Variants in MYO3B observed in about 807,000 individuals in gnomAD.
MYO3B encodes the protein myosin-IIIb.
Under a neutral mutation model 174.6 loss-of-function variants are expected in MYO3B, and 156 were observed. The ratio of observed to expected loss-of-function variants is 0.89; its 90% confidence interval spans 0.78 to 1.02. The LOEUF (loss-of-function observed/expected upper bound fraction) is 1.02. Ranked by LOEUF, MYO3B falls within the 50% of genes least tolerant of loss-of-function variation. The pLI is 0.00. For synonymous variants in MYO3B, 563 were observed against 569.1 expected (o/e 0.99, Z 0.15); for missense variants, 1,632 against 1,639.4 (o/e 1.00, Z 0.08).
intron 24 of MYO3B, 137 bp downstream of exon 24, chr2:170,463,582 G>A: frequency 1.4e-6 from 1 of 726,020 alleles, no homozygotes. Context: ...GGAAGTGGTG[G>A]AAGCAAGGAA....
chr2:170,540,340 A>G (rs1690007506), intron 30 of MYO3B, among the ~76,000 whole-genome samples: 1 of 151,952 alleles, frequency 6.6e-6, no homozygotes, highest in African/African-American at 2.4e-5. Flanking sequence ...AAAAGAACCA[A>G]TCCACATGGC....
intron 22 of MYO3B, among the ~76,000 whole-genome samples, chr2:170,425,848 G>C (rs1375463778): frequency 1.3e-5 from 2 of 152,204 alleles, no homozygotes; most frequent in African/African-American, 4.8e-5. Context: ...CCTTGAGCAA[G>C]AGTCTTGAAT....
At chr2:170,182,457 G>T (rs929232661) in intron 1 of MYO3B, among the ~76,000 whole-genome samples, 2 of 151,872 alleles carry the variant, frequency 1.3e-5, no homozygotes, top group South Asian at 2.1e-4. Context: ...GTCTACTTTT[G>T]GTTTCTAGTC....
intron 18 of MYO3B, 55 bp from the exon 19 acceptor site, chr2:170,402,793 C>T: frequency 2.0e-6 from 3 of 1,511,302 alleles, no homozygotes; most frequent in Non-Finnish European, 2.7e-6. Flanking sequence ...TATTCTCATC[C>T]TCTTTAGGTG....
chr2:170,243,729 C>T (rs1189129674), intron 7 of MYO3B, among the ~76,000 whole-genome samples: 2 of 152,114 alleles, frequency 1.3e-5, no homozygotes, highest in Middle Eastern at 3.2e-3. Context: ...TCCCTTGTAG[C>T]TGAAGAATTG....
At chr2:170,286,562 AT>A (rs1297382199) in intron 7 of MYO3B, among the ~76,000 whole-genome samples, 1 of 151,882 alleles carries the variant, frequency 6.6e-6, no homozygotes, top group Non-Finnish European at 1.5e-5. Context: ...TTGGCTTTTA[AT>A]TTTTTTATAT....
chr2:170,250,861 A>G (rs1469471657), intron 7 of MYO3B, among the ~76,000 whole-genome samples: 1 of 151,876 alleles, frequency 6.6e-6, no homozygotes, highest in Non-Finnish European at 1.5e-5. Context: ...CACTGTCCCG[A>G]GCCAAATTTC....
At chr2:170,349,048 C>G (rs1390849710) in intron 8 of MYO3B, among the ~76,000 whole-genome samples, 3 of 152,040 alleles carry the variant, frequency 2.0e-5, no homozygotes, top group Non-Finnish European at 4.4e-5. Context: ...CAAGTCATGC[C>G]CTACTCATAA....
intron 15 of MYO3B, 51 bp downstream of exon 15, chr2:170,391,669 A>G (rs914293631): frequency 3.7e-6 from 4 of 1,082,830 alleles, no homozygotes; most frequent in Non-Finnish European, 2.7e-6. Flanking sequence ...TACGATTAGC[A>G]GTTGACAAAC....
At chr2:170,420,230 A>G (rs2094606148) in intron 22 of MYO3B, among the ~76,000 whole-genome samples, 1 of 152,098 alleles carries the variant, frequency 6.6e-6, no homozygotes, top group Non-Finnish European at 1.5e-5. Flanking sequence ...ACAGAAACAA[A>G]CAAAACAAGA....
At position 170,507,566 on chromosome 2, in the gene MYO3B, T is replaced by C. The variant is rs59085887; in HGVS notation, c.3370+5701T>C. Among the ~76,000 whole-genome samples the C allele has an allele frequency of 6.7e-3, 1,010 of 151,868 alleles. 5 individuals carry two copies. The highest frequency in any genetic ancestry group is 0.025 in the South Asian group (120 of 4,812). On this transcript the variant is annotated intron_variant, in intron 28 of 34. Transcript: ENST00000408978. ...AGACATGCACCACCACACCCAGCTC[T>C]TTTATTAGTAGAGATGGGGTTTCAC...
At chr2:170,612,541 A>G (rs940886616) in intron 32 of MYO3B, among the ~76,000 whole-genome samples, 10 of 152,216 alleles carry the variant, frequency 6.6e-5, no homozygotes, top group African/African-American at 2.4e-4. Context: ...CCCAGTGTGT[A>G]GAACAAAGCC....
intron 32 of MYO3B, among the ~76,000 whole-genome samples, chr2:170,554,854 A>G (rs776698189): frequency 6.6e-6 from 1 of 152,192 alleles, no homozygotes; most frequent in Admixed American, 6.5e-5. Flanking sequence ...TGTTGATGGC[A>G]TGGCTGTAAA....
chr2:170,440,669 C>G (rs2094793162), intron 22 of MYO3B, among the ~76,000 whole-genome samples: 1 of 150,038 alleles, frequency 6.7e-6, no homozygotes. Flanking sequence ...ATGAGAATCA[C>G]TTGAATCTGG....
intron 27 of MYO3B, among the ~76,000 whole-genome samples, chr2:170,500,641 T>C (rs555765981): frequency 6.6e-6 from 1 of 152,244 alleles, no homozygotes; most frequent in African/African-American, 2.4e-5. Context: ...CTTTACAACA[T>C]GAGTGACAGG....
At chr2:170,188,716 A>C (rs948129174) in intron 1 of MYO3B, among the ~76,000 whole-genome samples, 4 of 152,168 alleles carry the variant, frequency 2.6e-5, no homozygotes, top group Non-Finnish European at 5.9e-5. Flanking sequence ...AACTGATTTC[A>C]TAAGCAAACA....
chr2:170,242,251 A>G lies in MYO3B; in HGVS notation c.749+6115A>G, dbSNP rs560766577. Among the ~76,000 whole-genome samples the G allele has an allele frequency of 4.1e-4, 62 of 152,346 alleles. No homozygotes were observed. In the South Asian group the frequency reaches 4.1e-3, roughly 10 times the overall value. The stretch of plus-strand genomic sequence containing the variant: ...TCATTTAGCATTTATTGAGTGCCTA[A>G]TAGCAAAAAAAAAGTTTTAAAATAT... On this transcript the variant is annotated intron_variant, in intron 7 of 34. Coordinates refer to ENST00000408978, the MANE Select transcript of MYO3B (RefSeq NM_138995.5).
At chr2:170,568,417 T>C (rs1344240150) in intron 32 of MYO3B, among the ~76,000 whole-genome samples, 1 of 152,224 alleles carries the variant, frequency 6.6e-6, no homozygotes, top group African/African-American at 2.4e-5. Context: ...TATTCAGAAA[T>C]TTTCTAGCAA....
intron 7 of MYO3B, among the ~76,000 whole-genome samples, chr2:170,272,289 C>T (rs1183823630): frequency 1.3e-5 from 2 of 152,090 alleles, no homozygotes; most frequent in African/African-American, 2.4e-5. Context: ...TTCTGAGGCT[C>T]ACTCAAACTT....
Sources: gnomAD v4.1 joint callset for allele counts (sites outside exome capture counted in the v4.1 genomes callset) on GRCh38, gnomAD v4.1.1 for gene constraint, MANE v1.5 for transcripts, NCBI Gene and HGNC (gene_info 2026-07-23, HGNC 2026-07-21) for gene names.